MAST4: variants seen among roughly 807,000 people sequenced by gnomAD.
MAST4 encodes microtubule-associated serine/threonine-protein kinase 4.
Under a neutral mutation model 162.7 loss-of-function variants are expected in MAST4, and 89 were observed. The observed-to-expected ratio is 0.55, with a 90% CI of 0.46 to 0.65. The LOEUF (loss-of-function observed/expected upper bound fraction) is 0.65, where lower values mean the gene tolerates loss of function less well. MAST4 is among the 30% of genes least tolerant of loss of function. The pLI, the probability that MAST4 is intolerant of heterozygous loss-of-function variation, is 0.00. For synonymous variants in MAST4, 1,479 were observed against 1,361.1 expected (o/e 1.09, Z -1.91); for missense variants, 3,153 against 3,374.0 (o/e 0.93, Z 1.62).
chr5:67,041,891 G>A (rs1756788209), intron 4 of MAST4, among the ~76,000 whole-genome samples: 1 of 152,214 alleles, frequency 6.6e-6, no homozygotes, highest in South Asian at 2.1e-4. Flanking sequence ...GGCTCCCAAA[G>A]TGCTGGGATT....
chr5:66,788,942 G>T, intron 3 of MAST4, 148 bp downstream of exon 3: 1 of 1,158,424 alleles, frequency 8.6e-7, no homozygotes, highest in Non-Finnish European at 1.1e-6. Flanking sequence ...TGCTTTCAAT[G>T]TGCTAATTTC....
rs1009592537 is a variant in MAST4, at chr5:66,754,522, C to A, written c.364-5187C>A. On this transcript the variant is annotated intron_variant, in intron 1 of 28. Transcript: ENST00000403625. ...TATTCTATTTTTTCAATAATTAAAG[C>A]CCTTTATGGCATGTGTTTTCTATTT... Among the ~76,000 whole-genome samples, 4 of 152,076 alleles carry A rather than the reference C, an allele frequency of 2.6e-5. No individual in the cohort carries two copies. The South Asian group carries it at 8.3e-4, about 32-fold the overall frequency.
intron 1 of MAST4, among the ~76,000 whole-genome samples, chr5:66,632,040 G>A (rs1744826522): frequency 6.6e-6 from 1 of 152,138 alleles, no homozygotes; most frequent in South Asian, 2.1e-4. Flanking sequence ...TTATTACAGT[G>A]ATATGCTTAA....
intron 4 of MAST4, among the ~76,000 whole-genome samples, chr5:66,982,200 A>G (rs1207685398): frequency 2.0e-5 from 3 of 152,172 alleles, no homozygotes; most frequent in Non-Finnish European, 1.5e-5. Flanking sequence ...TGTAGGTGAC[A>G]TGTTCTTTTT....
intron 4 of MAST4, among the ~76,000 whole-genome samples, chr5:67,000,798 AT>A (rs1426088974): frequency 2.0e-5 from 3 of 152,130 alleles, no homozygotes; most frequent in African/African-American, 7.2e-5. Flanking sequence ...AGTAGACAGA[AT>A]TCAAGTCAGT....
chr5:66,908,578 G>A (rs1002678611), intron 4 of MAST4, among the ~76,000 whole-genome samples: 1 of 152,072 alleles, frequency 6.6e-6, no homozygotes, highest in Non-Finnish European at 1.5e-5. Flanking sequence ...TAAAAGCAGG[G>A]GCAGAAGTTC....
At chr5:66,945,773 T>A (rs1162093022) in intron 4 of MAST4, among the ~76,000 whole-genome samples, 1 of 152,168 alleles carries the variant, frequency 6.6e-6, no homozygotes, top group Non-Finnish European at 1.5e-5. Context: ...GGCTGAATGA[T>A]CTTTTATACA....
intron 4 of MAST4, among the ~76,000 whole-genome samples, chr5:66,982,290 T>G (rs745903771): frequency 6.6e-5 from 10 of 152,188 alleles, no homozygotes; most frequent in Admixed American, 1.3e-4. Flanking sequence ...TTTTAACTTC[T>G]CCATTTTTCC....
intron 6 of MAST4, among the ~76,000 whole-genome samples, 182 bp downstream of exon 6, chr5:67,090,413 TTCCCCCATCTCACTTCCCCCC>T (rs1763720288): frequency 1.4e-5 from 1 of 70,028 alleles, no homozygotes; most frequent in Non-Finnish European, 2.7e-5. Flanking sequence ...CTCCCCACTT[TTCCCCCATCTCACTTCCCCCC>T]TCCCCCTCCC....
chr5:67,053,852 C>A (rs566537468), intron 4 of MAST4, among the ~76,000 whole-genome samples: 121 of 152,204 alleles, frequency 7.9e-4, no homozygotes, highest in African/African-American at 2.7e-3. Flanking sequence ...GATTCCAGAA[C>A]ATTTACCTTA....
chr5:66,975,193 A>T (rs149623096), intron 4 of MAST4, among the ~76,000 whole-genome samples: 1 of 152,108 alleles, frequency 6.6e-6, no homozygotes, highest in African/African-American at 2.4e-5. Flanking sequence ...TGGCCTATTG[A>T]CATCTTGATT....
intron 3 of MAST4, among the ~76,000 whole-genome samples, chr5:66,797,266 T>C (rs932978017): frequency 1.3e-5 from 2 of 152,224 alleles, no homozygotes; most frequent in Admixed American, 1.3e-4. Flanking sequence ...GATGTAGCAT[T>C]TCCTGTCTTG....
intron 24 of MAST4, among the ~76,000 whole-genome samples, chr5:67,151,131 A>G (rs553708250): frequency 6.6e-6 from 1 of 152,206 alleles, no homozygotes; most frequent in Non-Finnish European, 1.5e-5. Context: ...ATGACCAGTT[A>G]AGATCTGTTT....
chr5:67,097,425 T>C (rs1764589330), intron 7 of MAST4, among the ~76,000 whole-genome samples: 1 of 152,110 alleles, frequency 6.6e-6, no homozygotes, highest in Non-Finnish European at 1.5e-5. Flanking sequence ...ACTGAGTGAC[T>C]GTTTACTGTT....
chr5:66,934,720 T>C (rs1452894554), intron 4 of MAST4, among the ~76,000 whole-genome samples: 1 of 152,128 alleles, frequency 6.6e-6, no homozygotes, highest in African/African-American at 2.4e-5. Flanking sequence ...CTGTCTCTTT[T>C]TCTAAACCCA....
In MAST4 at chr5:66,892,749, G is replaced by T. The variant is rs115015195; in HGVS notation, c.643-7202G>T. On this transcript the variant is annotated intron_variant, in intron 3 of 28. Transcript: ENST00000403625. ...CTGTCTCCCACTCTCTGACATTGCCGTGGTGGAGTATAGGGGAAAAAATTG... is the reference window on the plus strand; with the variant it reads ...CTGTCTCCCACTCTCTGACATTGCCTTGGTGGAGTATAGGGGAAAAAATTG... Among the ~76,000 whole-genome samples the T allele has an allele frequency of 5.4e-3, 824 of 152,150 alleles. 8 individuals are homozygous for T. Among genetic ancestry groups the T allele is most frequent in the African/African-American group, 0.019 (786 of 41,510 alleles).
intron 1 of MAST4, among the ~76,000 whole-genome samples, chr5:66,745,677 T>C (rs763277987): frequency 6.6e-6 from 1 of 152,164 alleles, no homozygotes; most frequent in Non-Finnish European, 1.5e-5. Context: ...ACAGCTCTGC[T>C]CAAAGCTGTA....
chr5:67,144,440 C>G (rs1260019205), intron 21 of MAST4, among the ~76,000 whole-genome samples: 1 of 137,852 alleles, frequency 7.3e-6, no homozygotes, highest in African/African-American at 2.7e-5. Context: ...ATTCATAGCT[C>G]CCTATTCGTA....
At chr5:67,031,979 G>A (rs774399330) in intron 4 of MAST4, among the ~76,000 whole-genome samples, 8 of 152,100 alleles carry the variant, frequency 5.3e-5, no homozygotes, top group South Asian at 2.1e-4. Context: ...GTTACTCATC[G>A]TGACCTACTT....
Sources: gnomAD v4.1 joint callset for allele counts (sites outside exome capture counted in the v4.1 genomes callset) on GRCh38, gnomAD v4.1.1 for gene constraint, MANE v1.5 for transcripts, NCBI Gene and HGNC (gene_info 2026-07-23, HGNC 2026-07-21) for gene names.